Variants in EHBP1 observed in about 807,000 individuals in gnomAD.
EHBP1 encodes the protein EH domain binding protein 1.
Under a neutral mutation model 144.0 loss-of-function variants are expected in EHBP1, and 55 were observed. The observed-to-expected ratio is 0.38, with a 90% confidence interval of 0.31 to 0.48. EHBP1 has a LOEUF of 0.48. Ranked by LOEUF, EHBP1 falls within the 20% of genes least tolerant of loss-of-function variation. EHBP1 has a pLI of 0.98. For missense variants in EHBP1, 1,200 were observed against 1,364.2 expected (o/e 0.88, Z 1.90); for synonymous variants, 469 against 472.7 (o/e 0.99, Z 0.10).
At chr2:63,032,540 CTG>C (rs2061296055) in intron 19 of EHBP1, among the ~76,000 whole-genome samples, 1 of 132,546 alleles carries the variant, frequency 7.5e-6, no homozygotes, top group Non-Finnish European at 1.5e-5. Context: ...GCACTACAGC[CTG>C]GGCGACAGAG....
chr2:63,017,505 T>G (rs1304326006), intron 19 of EHBP1, among the ~76,000 whole-genome samples: 1 of 152,206 alleles, frequency 6.6e-6, no homozygotes, highest in African/African-American at 2.4e-5. Context: ...ATACTTTATA[T>G]CAAGCATTTG....
intron 14 of EHBP1, among the ~76,000 whole-genome samples, chr2:62,962,733 CATA>C (rs1367597908): frequency 6.6e-6 from 1 of 152,164 alleles, no homozygotes; most frequent in Non-Finnish European, 1.5e-5. Flanking sequence ...TTAGTCTAAT[CATA>C]ATGATCAGTG....
At chr2:62,957,355 T>A (rs902942956) in intron 14 of EHBP1, among the ~76,000 whole-genome samples, 3 of 152,168 alleles carry the variant, frequency 2.0e-5, no homozygotes, top group Non-Finnish European at 4.4e-5. Context: ...TATTACTTTA[T>A]TAATGTGCTA....
intron 10 of EHBP1, among the ~76,000 whole-genome samples, chr2:62,926,696 G>T (rs1463334756): frequency 1.3e-5 from 2 of 151,988 alleles, no homozygotes; most frequent in African/African-American, 4.8e-5. Context: ...AAAAACAAAT[G>T]CTGGAGAGGA....
At position 63,045,167 on chromosome 2, in the gene EHBP1, G is replaced by A. The variant is rs777620613; in HGVS notation, c.3379G>A (p.Ala1127Thr). ...CGATGCGCTCGTCAGGGACCTGGAC[G>A]CGCAGGAGAAGCAGTGAGTGGGCAG... is the stretch of plus-strand genomic sequence containing the variant. ...KRDALVRDLD[A>T]QEKQAEEEDE... The change falls in exon 22 of 23, where the codon GCG becomes ACG. Residue 1127 changes from alanine to threonine, a missense_variant. Physicochemically the swap from Ala to Thr is moderately conservative, Grantham distance 58. Coordinates refer to ENST00000431489, the MANE Select transcript of EHBP1 (RefSeq NM_001142616.3). The surrounding 1 kb of genome is among the most constrained non-coding windows in gnomAD (Gnocchi z 5.7). 1.9e-6 allele frequency: 3 copies of A among 1,588,680 alleles called. No individual in the cohort carries two copies. The highest frequency in any genetic ancestry group is 1.1e-5 in the South Asian group (1 of 87,524).
chr2:62,964,704 T>G (rs1284098773), intron 14 of EHBP1, among the ~76,000 whole-genome samples: 1 of 152,354 alleles, frequency 6.6e-6, no homozygotes, highest in East Asian at 1.9e-4. Context: ...TTGGTCACTC[T>G]TCTTAGGTGG....
intron 9 of EHBP1, among the ~76,000 whole-genome samples, chr2:62,865,494 A>G (rs2049968472): frequency 6.6e-6 from 1 of 152,192 alleles, no homozygotes; most frequent in African/African-American, 2.4e-5. Flanking sequence ...GAGTGGGGAT[A>G]AAAAGGGGAT....
chr2:62,923,259 C>T (rs562013127), intron 10 of EHBP1, among the ~76,000 whole-genome samples: 1 of 152,322 alleles, frequency 6.6e-6, no homozygotes, highest in South Asian at 2.1e-4. Context: ...AAAACCAACT[C>T]TCACTACCCT....
At chr2:62,848,794 G>A (rs187050069) in intron 7 of EHBP1, among the ~76,000 whole-genome samples, 43 of 152,326 alleles carry the variant, frequency 2.8e-4, no homozygotes, top group African/African-American at 9.9e-4. Context: ...AGGCAAGAGA[G>A]AACTTTGGAA....
chr2:62,685,038 G>C (rs927566591), intron 1 of EHBP1, among the ~76,000 whole-genome samples: 1 of 152,130 alleles, frequency 6.6e-6, no homozygotes, highest in Non-Finnish European at 1.5e-5. Flanking sequence ...ATGGGGAGAT[G>C]AGAGTCAAAG....
intron 10 of EHBP1, among the ~76,000 whole-genome samples, chr2:62,933,844 G>A (rs1452712701): frequency 6.6e-6 from 1 of 152,000 alleles, no homozygotes; most frequent in African/African-American, 2.4e-5. Context: ...TACATAAATG[G>A]AATCATATGA....
chr2:62,779,255 A>G (rs1193589075), intron 5 of EHBP1, among the ~76,000 whole-genome samples: 2 of 152,184 alleles, frequency 1.3e-5, no homozygotes, highest in Non-Finnish European at 2.9e-5. Context: ...TCAAATTTCC[A>G]CTAGGCAGCA....
At chr2:62,861,077 T>C (rs1205045134) in intron 8 of EHBP1, among the ~76,000 whole-genome samples, 1 of 151,486 alleles carries the variant, frequency 6.6e-6, no homozygotes, top group Non-Finnish European at 1.5e-5. Context: ...ATTCTTTTTT[T>C]GCTTTTACAG....
chr2:62,694,116 C>G (rs1263999420), intron 1 of EHBP1, among the ~76,000 whole-genome samples: 2 of 152,068 alleles, frequency 1.3e-5, no homozygotes, highest in Non-Finnish European at 2.9e-5. Context: ...TGTTTCTGTA[C>G]TGTTAATTTT....
At chr2:62,926,598 A>G (rs940699111) in intron 10 of EHBP1, among the ~76,000 whole-genome samples, 4 of 152,170 alleles carry the variant, frequency 2.6e-5, no homozygotes, top group Non-Finnish European at 4.4e-5. Context: ...ATTACTAATC[A>G]TGAGGGAAAT....
intron 5 of EHBP1, among the ~76,000 whole-genome samples, chr2:62,803,250 AT>A (rs1490568714): frequency 2.7e-5 from 4 of 150,230 alleles, no homozygotes; most frequent in African/African-American, 9.7e-5. Flanking sequence ...AAAAAAAAAA[AT>A]TTATGCACAC....
chr2:62,818,968 A>T (rs978231361), intron 5 of EHBP1, among the ~76,000 whole-genome samples: 2 of 152,180 alleles, frequency 1.3e-5, no homozygotes, highest in African/African-American at 4.8e-5. Context: ...ATTTAAACTC[A>T]CTTAGGGAGT....
At chr2:62,708,133 C>G (rs1005880309) in intron 2 of EHBP1, among the ~76,000 whole-genome samples, 1 of 152,042 alleles carries the variant, frequency 6.6e-6, no homozygotes, top group East Asian at 1.9e-4. Flanking sequence ...GACTGTAATT[C>G]AGGTCTGTAA....
intron 10 of EHBP1, among the ~76,000 whole-genome samples, chr2:62,922,014 A>AT (rs2055130568): frequency 2.0e-5 from 3 of 152,086 alleles, no homozygotes; most frequent in Non-Finnish European, 4.4e-5. Context: ...GTGTTTACTA[A>AT]AACTGCAAAA....
Sources: gnomAD v4.1 joint callset for allele counts (sites outside exome capture counted in the v4.1 genomes callset) on GRCh38, gnomAD v4.1.1 for gene constraint, Gnocchi (gnomAD v3.1) non-coding constraint, MANE v1.5 for transcripts, NCBI Gene and HGNC (gene_info 2026-07-23, HGNC 2026-07-21) for gene names.